The following LY75 variants were observed in gnomAD, a reference collection of about 807,000 sequenced individuals.
The protein encoded by LY75 is lymphocyte antigen 75, also known as C-type lectin domain family 13 member B.
In LY75, 185 loss-of-function variants were observed where a neutral mutation model predicts 231.7. The observed-to-expected ratio is 0.80, with a 90% CI of 0.71 to 0.90. The LOEUF (loss-of-function observed/expected upper bound fraction) is 0.90. LY75 is among the 40% of genes least tolerant of loss of function. The pLI, the probability that LY75 is intolerant of heterozygous loss-of-function variation, is 0.00. For missense variants in LY75, 1,947 were observed against 2,050.2 expected (o/e 0.95, Z 0.97); for synonymous variants, 668 against 689.0 (o/e 0.97, Z 0.48).
chr2:159,882,704 C>T (rs62176691), intron 6 of LY75, among the ~76,000 whole-genome samples: 14 of 152,136 alleles, frequency 9.2e-5, no homozygotes, highest in Non-Finnish European at 1.9e-4. Flanking sequence ...CAGTCTCTGT[C>T]CTTGAGAAGA....
chr2:159,902,953 C>A (rs893627067), intron 1 of LY75: 1 of 152,258 alleles, frequency 6.6e-6, no homozygotes, highest in African/African-American at 2.4e-5. Flanking sequence ...ACAAGCCTAG[C>A]CGTGCACATG....
intron 31 of LY75, chr2:159,812,187 T>C (rs1682980944): frequency 6.6e-6 from 1 of 152,074 alleles, no homozygotes; most frequent in Non-Finnish European, 1.5e-5. Flanking sequence ...CTGCCTTATC[T>C]TTGGTCTATT....
chr2:159,859,348 A>T (rs1684630827), intron 15 of LY75, among the ~76,000 whole-genome samples: 1 of 152,202 alleles, frequency 6.6e-6, no homozygotes, highest in African/African-American at 2.4e-5. Flanking sequence ...GCCTTCCTGT[A>T]ACATTTCTGG....
intron 25 of LY75, among the ~76,000 whole-genome samples, chr2:159,838,149 C>T (rs1019477851): frequency 6.6e-6 from 1 of 152,200 alleles, no homozygotes; most frequent in African/African-American, 2.4e-5. Context: ...GCCTTCCACA[C>T]AGTGTCGTCT....
At chr2:159,904,539 G>A (rs1476261892) in intron 1 of LY75, 50 bp downstream of exon 1, 2 of 1,490,110 alleles carry the variant, frequency 1.3e-6, no homozygotes, top group Non-Finnish European at 1.8e-6. Context: ...CAGCAGAGCT[G>A]TGGCGTCGAG....
chr2:159,844,714 A>G (rs1483921769), intron 23 of LY75, among the ~76,000 whole-genome samples: 2 of 151,724 alleles, frequency 1.3e-5, no homozygotes, highest in African/African-American at 2.4e-5. Context: ...CCTATGGGGG[A>G]AAAAAAAACC....
intron 28 of LY75, among the ~76,000 whole-genome samples, chr2:159,824,852 A>G (rs1191717620): frequency 2.7e-5 from 1 of 36,446 alleles, no homozygotes. Context: ...CTGCTCCTGA[A>G]TGACACTGGG....
chr2:159,872,715 C>T, intron 12 of LY75, 122 bp from the exon 13 acceptor site: 1 of 1,141,782 alleles, frequency 8.8e-7, no homozygotes, highest in Admixed American at 2.5e-5. Context: ...GTAGTGAAGG[C>T]ATAGGTAAAT....
At chr2:159,838,087 T>C (rs772669909) in intron 25 of LY75, among the ~76,000 whole-genome samples, 1 of 152,214 alleles carries the variant, frequency 6.6e-6, no homozygotes, top group African/African-American at 2.4e-5. Flanking sequence ...CCTGCATGAA[T>C]TTATAGAAAA....
At position 159,854,529 on chromosome 2, in the gene LY75, G is replaced by A. The variant is rs745496386; in HGVS notation, c.2426C>T (p.Ala809Val). ...TATAAGTGGAGGTCCATGAATTCCA[G>A]CACGGTCTAAAGAAGAAGAAGAAAA... ...KTPDWYNPDR[A>V]GIHGPPLIIE... The change falls in exon 18 of 35, where the codon GCT becomes GTT. Residue 809 changes from alanine (A) to valine (V), a missense_variant. Physicochemically the swap from Ala to Val is moderately conservative, Grantham distance 64. Coordinates refer to ENST00000263636, the MANE Select transcript of LY75 (RefSeq NM_002349.4). 3 of 1,612,212 alleles carry A rather than the reference G, an allele frequency of 1.9e-6. No individual in the cohort carries two copies. Among genetic ancestry groups the A allele is most frequent in the South Asian group, 1.1e-5 (1 of 90,782 alleles).
At chr2:159,879,133 C>T (rs1685360840) in intron 9 of LY75, 126 bp downstream of exon 9, 1 of 1,121,694 alleles carries the variant, frequency 8.9e-7, no homozygotes, top group Non-Finnish European at 1.2e-6. Context: ...CTTGTTCTAA[C>T]TTAAATGAAC....
chr2:159,834,094 C>T lies in LY75; in HGVS notation c.3791G>A (p.Arg1264Lys). The stretch of plus-strand genomic sequence containing the variant: ...TTCATCCTGTGTTGTTGCCATATGC[C>T]TATTCTTTGTTATTATGAAATTGTA... ...CCYNFIITKN[R>K]HMATTQDEVH... Residue 1264 changes from arginine to lysine, a missense_variant, in exon 27 of 35, where the codon AGG becomes AAG. Physicochemically the swap from Arg to Lys is conservative, Grantham distance 26. Transcript: ENST00000263636. 3 of 1,613,848 alleles carry T rather than the reference C, an allele frequency of 1.9e-6. No individual in the cohort carries two copies. The highest frequency in any genetic ancestry group is 2.5e-6 in the Non-Finnish European group (3 of 1,179,908).
chr2:159,882,234 CT>C lies in LY75; in HGVS notation c.1135del (p.Ser379ValfsTer18). Reference sequence around the variant, plus strand: ...CGCATGTGCCTTATCCCAGGAATTACTTTCATTTACCAGCAGATAGCAAAAT... The same window carrying C: ...CGCATGTGCCTTATCCCAGGAATTACTTCATTTACCAGCAGATAGCAAAAT... ...NGFCYLLVNE[S>X]NSWDKAHAKC... On this transcript the variant is annotated frameshift_variant, in exon 7 of 35. Coordinates refer to ENST00000263636, the MANE Select transcript of LY75 (RefSeq NM_002349.4). LOFTEE classifies it high-confidence loss of function. 1 of 1,614,050 alleles carries C rather than the reference CT, an allele frequency of 6.2e-7. No homozygotes were observed.
At chr2:159,890,522 T>G in intron 3 of LY75, 145 bp from the exon 4 acceptor site, 1 of 1,138,670 alleles carries the variant, frequency 8.8e-7, no homozygotes, top group Non-Finnish European at 1.2e-6. Flanking sequence ...AGACCATATT[T>G]TGATCACAAT....
chr2:159,849,404 T>C (rs1334352385), intron 23 of LY75, among the ~76,000 whole-genome samples: 4 of 152,176 alleles, frequency 2.6e-5, no homozygotes, highest in Non-Finnish European at 5.9e-5. Flanking sequence ...ATTTAGCTCT[T>C]GGGGAAAAAT....
At chr2:159,821,978 T>C (rs796947978) in intron 28 of LY75, among the ~76,000 whole-genome samples, 53 of 152,316 alleles carry the variant, frequency 3.5e-4, no homozygotes, top group African/African-American at 1.3e-3. Flanking sequence ...CATGAGGGAC[T>C]GAGCCTGAGG....
Position 159,840,748 on chromosome 2 carries a change from A to G in LY75, c.3488T>C (p.Ile1163Thr), listed in dbSNP as rs1683998563. 6.2e-7 allele frequency: 1 copy of G among 1,613,924 alleles called. No individual in the cohort carries two copies. The highest frequency in any genetic ancestry group is 1.3e-5 in the African/African-American group (1 of 74,894). The change falls in exon 25 of 35, where the codon ATC (isoleucine) becomes ACC (threonine). Residue 1163 changes from isoleucine (I) to threonine (T), a missense_variant. Coordinates refer to ENST00000263636, the MANE Select transcript of LY75 (RefSeq NM_002349.4). ...ACTTACATCTTGACTGAAGAGTCCGATCCATAAGGAAGAGTTGTGAAGGAG... is the reference window on the plus strand; with the variant it reads ...ACTTACATCTTGACTGAAGAGTCCGGTCCATAAGGAAGAGTTGTGAAGGAG... ...QALLHNSSLW[I>T]GLFSQDDELN...
At chr2:159,901,343 T>C (rs1244562399) in intron 1 of LY75, among the ~76,000 whole-genome samples, 3 of 152,206 alleles carry the variant, frequency 2.0e-5, no homozygotes, top group Admixed American at 1.3e-4. Context: ...CTCTCCAAAA[T>C]AAATCTTGCA....
At chr2:159,887,578 A>AAAAG (rs1553812850) in intron 4 of LY75, among the ~76,000 whole-genome samples, 7 of 149,458 alleles carry the variant, frequency 4.7e-5, no homozygotes, top group East Asian at 3.9e-4. Flanking sequence ...AAAAAAAAAA[A>AAAAG]AAAAAAGAAA....
Sources: allele counts gnomAD v4.1 joint callset (sites outside exome capture counted in the v4.1 genomes callset), GRCh38; gene constraint gnomAD v4.1.1; transcripts MANE v1.5; gene names NCBI Gene and HGNC (gene_info 2026-07-23, HGNC 2026-07-21).